Variants in CCSER1 observed in about 807,000 individuals in gnomAD.
CCSER1 encodes serine-rich coiled-coil domain-containing protein 1.
In CCSER1, 41 loss-of-function variants were observed where a neutral mutation model predicts 82.0. The ratio of observed to expected loss-of-function variants is 0.50; its 90% CI spans 0.39 to 0.65. The LOEUF is 0.65. CCSER1 is among the 30% of genes least tolerant of loss of function. The pLI is 0.00. For synonymous variants in CCSER1, 414 were observed against 383.9 expected (o/e 1.08, Z -0.92); for missense variants, 1,119 against 1,064.2 (o/e 1.05, Z -0.72).
chr4:91,361,345 G>C (rs1443378107), intron 10 of CCSER1, among the ~76,000 whole-genome samples: 6 of 151,770 alleles, frequency 4.0e-5, no homozygotes, highest in African/African-American at 1.2e-4. Flanking sequence ...CAGAAAGATG[G>C]ACTGGAGGCA....
intron 6 of CCSER1, among the ~76,000 whole-genome samples, chr4:90,689,774 A>T (rs922398708): frequency 6.6e-6 from 1 of 152,114 alleles, no homozygotes. Flanking sequence ...GAAGTTTCAG[A>T]CATAGCCTGA....
At chr4:90,837,327 A>G (rs1190413831) in intron 8 of CCSER1, among the ~76,000 whole-genome samples, 1 of 152,158 alleles carries the variant, frequency 6.6e-6, no homozygotes, top group Non-Finnish European at 1.5e-5. Context: ...ATTTTTTTTG[A>G]GTATTTGAAT....
At chr4:90,939,324 T>C (rs1413630434) in intron 9 of CCSER1, among the ~76,000 whole-genome samples, 1 of 152,222 alleles carries the variant, frequency 6.6e-6, no homozygotes, top group Non-Finnish European at 1.5e-5. Context: ...TAGTTGAAGA[T>C]GGTTTATTGG....
At chr4:91,194,676 A>G (rs1468524233) in intron 10 of CCSER1, among the ~76,000 whole-genome samples, 1 of 144,362 alleles carries the variant, frequency 6.9e-6, no homozygotes, top group Non-Finnish European at 1.5e-5. Flanking sequence ...GGTAGAGAAC[A>G]CACACACACA....
At position 90,964,511 on chromosome 4, in the gene CCSER1, G is replaced by A. The variant is rs112728034; in HGVS notation, c.2172+41064G>A. ...GAGGCCAAGGCGGGCAGATCACGAG[G>A]TCAGGAGATCGGGACCATCCTGACT... On this transcript the variant is annotated intron_variant, in intron 9 of 10. Transcript: ENST00000509176. Among the ~76,000 whole-genome samples, 14 of 151,442 alleles carry A rather than the reference G, an allele frequency of 9.2e-5. No individual in the cohort carries two copies. In the East Asian group the frequency reaches 2.7e-3, roughly 29 times the overall value.
intron 5 of CCSER1, among the ~76,000 whole-genome samples, chr4:90,492,484 AT>A (rs1337172799): frequency 6.6e-6 from 1 of 151,858 alleles, no homozygotes; most frequent in Non-Finnish European, 1.5e-5. Context: ...GGATTCATTG[AT>A]TTTTTTGAAG....
At chr4:90,970,192 T>C (rs1326736087) in intron 9 of CCSER1, among the ~76,000 whole-genome samples, 2 of 151,846 alleles carry the variant, frequency 1.3e-5, no homozygotes, top group Non-Finnish European at 2.9e-5. Flanking sequence ...GATCAAACAG[T>C]GTGCTTCCTA....
chr4:91,467,937 A>C (rs1308147390), intron 10 of CCSER1, among the ~76,000 whole-genome samples: 1 of 152,216 alleles, frequency 6.6e-6, no homozygotes, highest in African/African-American at 2.4e-5. Flanking sequence ...TGTGGAAGAC[A>C]GTGTGGCGAT....
intron 10 of CCSER1, among the ~76,000 whole-genome samples, chr4:91,474,510 G>A (rs1243825926): frequency 6.6e-6 from 1 of 151,138 alleles, no homozygotes; most frequent in Non-Finnish European, 1.5e-5. Flanking sequence ...AATTCTTTGG[G>A]ATAATGATTA....
At chr4:90,821,342 CAGTG>C (rs754138112) in intron 8 of CCSER1, among the ~76,000 whole-genome samples, 3 of 152,102 alleles carry the variant, frequency 2.0e-5, no homozygotes, top group Non-Finnish European at 4.4e-5. Context: ...ACATACACCT[CAGTG>C]AGAATTATTA....
intron 10 of CCSER1, among the ~76,000 whole-genome samples, chr4:91,474,076 C>G (rs1757426678): frequency 6.6e-6 from 1 of 151,940 alleles, no homozygotes; most frequent in Non-Finnish European, 1.5e-5. Flanking sequence ...TGCTCTATTG[C>G]TGTATTTTGC....
intron 1 of CCSER1, among the ~76,000 whole-genome samples, chr4:90,167,625 TC>T (rs888874212): frequency 3.4e-5 from 5 of 146,916 alleles, no homozygotes; most frequent in African/African-American, 1.2e-4. Context: ...CCCTCCCCCG[TC>T]CCCCCACCCC....
At chr4:90,628,901 T>A (rs547025949) in intron 6 of CCSER1, among the ~76,000 whole-genome samples, 1 of 152,324 alleles carries the variant, frequency 6.6e-6, no homozygotes, top group Non-Finnish European at 1.5e-5. Flanking sequence ...CTATACAAAG[T>A]ATACCCGTGA....
intron 10 of CCSER1, among the ~76,000 whole-genome samples, chr4:91,309,239 T>G (rs192774951): frequency 6.6e-6 from 1 of 152,178 alleles, no homozygotes; most frequent in Admixed American, 6.6e-5. Context: ...CTCATTGGCT[T>G]ACTATTCTTT....
intron 10 of CCSER1, among the ~76,000 whole-genome samples, chr4:91,207,122 A>G (rs1736411368): frequency 6.6e-6 from 1 of 151,860 alleles, no homozygotes; most frequent in South Asian, 2.1e-4. Flanking sequence ...TTAGGAATGT[A>G]AATAGTTTGA....
At chr4:91,575,654 C>T (rs911035755) in intron 10 of CCSER1, among the ~76,000 whole-genome samples, 1 of 151,478 alleles carries the variant, frequency 6.6e-6, no homozygotes, top group South Asian at 2.1e-4. Context: ...TATGGAATTA[C>T]AAAAGATGAA....
chr4:91,591,857 G>C (rs749207700), intron 10 of CCSER1, among the ~76,000 whole-genome samples: 7 of 152,048 alleles, frequency 4.6e-5, no homozygotes, highest in Non-Finnish European at 7.4e-5. Flanking sequence ...CTACAGTATT[G>C]ACAAAATACA....
At chr4:90,276,329 C>T (rs1727792678) in intron 1 of CCSER1, among the ~76,000 whole-genome samples, 1 of 126,986 alleles carries the variant, frequency 7.9e-6, no homozygotes, top group African/African-American at 3.1e-5. Flanking sequence ...TTCTTTCTTT[C>T]TTTCTTTCTT....
intron 10 of CCSER1, among the ~76,000 whole-genome samples, chr4:91,173,466 C>T (rs1732975655): frequency 1.3e-5 from 2 of 151,914 alleles, no homozygotes; most frequent in African/African-American, 2.4e-5. Context: ...TGGTGGCATG[C>T]GCCTATAGCC....
Sources: allele counts gnomAD v4.1 joint callset (sites outside exome capture counted in the v4.1 genomes callset), GRCh38; gene constraint gnomAD v4.1.1; transcripts MANE v1.5; gene names NCBI Gene and HGNC (gene_info 2026-07-23, HGNC 2026-07-21).